The following PPEF1 variants were observed in gnomAD, a reference collection of about 807,000 sequenced individuals.
PPEF1 encodes serine/threonine-protein phosphatase with EF-hands 1.
In PPEF1, 12 loss-of-function variants were observed where a neutral mutation model predicts 53.3. That is an observed-to-expected ratio of 0.23 (90% CI 0.14 to 0.36). PPEF1 has a LOEUF of 0.36. Among genes scored for constraint, PPEF1 ranks in the 10% least tolerant of loss-of-function variants. The probability of loss-of-function intolerance (pLI) is 1.00; values close to 1 mark genes in which losing one functional copy is unlikely to be tolerated. For missense variants in PPEF1, 334 were observed against 490.4 expected (o/e 0.68, Z 3.01); for synonymous variants, 165 against 176.7 (o/e 0.93, Z 0.52).
chrX:18,754,588 C>A (rs2045509097), intron 4 of PPEF1, among the ~76,000 whole-genome samples: 1 of 106,093 alleles, frequency 9.4e-6, no homozygotes, highest in Non-Finnish European at 2.0e-5. Flanking sequence ...ATTGTTTGTT[C>A]AGTTTTTCTT....
At chrX:18,821,585 T>C (rs1349722445) in intron 13 of PPEF1, among the ~76,000 whole-genome samples, 1 of 110,058 alleles carries the variant, frequency 9.1e-6, no homozygotes, top group South Asian at 3.9e-4. Flanking sequence ...ATTATTTTTG[T>C]ATTTTTAGTG....
At chrX:18,734,580 A>G (rs2044923331) in intron 3 of PPEF1, among the ~76,000 whole-genome samples, 1 of 111,180 alleles carries the variant, frequency 9.0e-6, no homozygotes, top group South Asian at 3.8e-4. Flanking sequence ...ATAGTGCCGC[A>G]ATAAACATAC....
At chrX:18,783,258 G>A (rs2147600028) in intron 8 of PPEF1, among the ~76,000 whole-genome samples, 1 of 110,061 alleles carries the variant, frequency 9.1e-6, no homozygotes. Flanking sequence ...GCCCCGGGAT[G>A]AGGAGTGTGA....
At chrX:18,794,478 C>T (rs1182197050) in intron 10 of PPEF1, among the ~76,000 whole-genome samples, 1 of 112,905 alleles carries the variant, frequency 8.9e-6, no homozygotes, top group African/African-American at 3.2e-5. Flanking sequence ...GGAGCAGGGA[C>T]AGTGACCCAC....
chrX:18,721,680 T>A (rs2044592640), intron 1 of PPEF1, among the ~76,000 whole-genome samples: 1 of 111,783 alleles, frequency 8.9e-6, no homozygotes, highest in East Asian at 2.8e-4. Context: ...AGTATCTCAA[T>A]GACAAAGTCA....
intron 3 of PPEF1, among the ~76,000 whole-genome samples, chrX:18,746,295 C>T (rs1472577728): frequency 4.5e-5 from 5 of 112,134 alleles, no homozygotes; most frequent in African/African-American, 1.3e-4. Flanking sequence ...TGATTGTTTT[C>T]ATACATGACA....
chrX:18,804,999 T>C (rs2046630174), intron 11 of PPEF1, among the ~76,000 whole-genome samples: 1 of 110,703 alleles, frequency 9.0e-6, no homozygotes, highest in African/African-American at 3.3e-5. Context: ...CTTTTTTCTT[T>C]TTTTTGAGAC....
rs1362481342 is a variant in PPEF1 at position 18,827,333 on chromosome X, A to G, written c.1808A>G (p.Asn603Ser). The G allele has an allele frequency of 7.4e-6, 9 of 1,208,734 alleles. No individual in the cohort carries two copies. Among genetic ancestry groups the G allele is most frequent in the African/African-American group, 1.7e-5 (1 of 57,214 alleles). Reference protein sequence around the residue: ...AMWKLFSSHYNVHIDDSQVNK... With the variant: ...AMWKLFSSHYSVHIDDSQVNK... Reference sequence around the variant, plus strand: ...TGGAAACTTTTTAGTTCTCACTACAATGTTCACATTGATGATTCCCAAGTC... The same window carrying G: ...TGGAAACTTTTTAGTTCTCACTACAGTGTTCACATTGATGATTCCCAAGTC... The change falls in exon 16 of 16, where the codon AAT (asparagine) becomes AGT (serine). Residue 603 changes from asparagine to serine, a missense_variant. Asn to Ser is a conservative substitution (Grantham distance 46). Transcript: ENST00000470157.
At chrX:18,721,770 T>G (rs2044595262) in intron 1 of PPEF1, among the ~76,000 whole-genome samples, 1 of 112,067 alleles carries the variant, frequency 8.9e-6, no homozygotes, top group African/African-American at 3.2e-5. Flanking sequence ...AAATGACCTG[T>G]TATTCTCGCT....
At chrX:18,693,193 C>T (rs1248449003) in intron 4 of PPEF1, among the ~76,000 whole-genome samples, 1 of 111,983 alleles carries the variant, frequency 8.9e-6, no homozygotes, top group Non-Finnish European at 1.9e-5. Flanking sequence ...TGGTTTCCAC[C>T]CAGGCTGCTT....
At chrX:18,681,745 G>A (rs768968255), upstream of PPEF1, among the ~76,000 whole-genome samples, 1 of 111,687 alleles carries the variant, frequency 9.0e-6, no homozygotes, top group Non-Finnish European at 1.9e-5. Context: ...GCTTTGCCCA[G>A]TTGAATGTGA....
intron 1 of PPEF1, among the ~76,000 whole-genome samples, chrX:18,721,001 T>A (rs1242776459): frequency 9.0e-6 from 1 of 111,623 alleles, no homozygotes; most frequent in Non-Finnish European, 1.9e-5. Flanking sequence ...CTCTGAGCCT[T>A]AGATACTTCA....
rs140396374 is a variant in PPEF1 at position 18,749,827 on chromosome X, A to T, written c.271A>T (p.Met91Leu). The T allele has an allele frequency of 2.1e-4, 241 of 1,146,013 alleles. No individual in the cohort carries two copies. The African/African-American group carries it at 4.3e-3, about 20-fold the overall frequency. 94.4% of individuals were successfully genotyped at this position (1,146,013 alleles called of 1,213,427 possible). ...TCAGTCTCTTGAAAGCGAACAGGAC[A>T]TGAGGGATAGATGGGATTATGTGGA... ...RNQSLESEQD[M>L]RDRWDYVDSI... is the part of the protein sequence containing the mutation. The change falls in exon 4 of 16, where the codon ATG (methionine) becomes TTG (leucine). Residue 91 changes from methionine to leucine, a missense_variant. Coordinates refer to ENST00000470157, the MANE Select transcript of PPEF1 (RefSeq NM_001377996.1).
upstream of PPEF1, among the ~76,000 whole-genome samples, chrX:18,675,206 C>T (rs968253638): frequency 4.4e-5 from 5 of 113,311 alleles, no homozygotes; most frequent in Admixed American, 2.8e-4. Flanking sequence ...GAGCACCTCC[C>T]TGCTATCATC....
rs141274153 is a variant in PPEF1 at position 18,824,985 on chromosome X, A to G, written c.1666-766A>G. ...GGCCTGACATCCATGCTTTTATACA[A>G]CATACCATTTCTAATACTTAATGTA... On this transcript the variant is annotated intron_variant, in intron 14 of 15. Coordinates refer to ENST00000470157, the MANE Select transcript of PPEF1 (RefSeq NM_001377996.1). Among the ~76,000 whole-genome samples, 232 of 111,810 alleles carry G rather than the reference A, an allele frequency of 2.1e-3. 1 individual carries two copies. Among genetic ancestry groups the G allele is most frequent in the African/African-American group, 7.1e-3 (218 of 30,855 alleles).
At chrX:18,761,348 C>G (rs1401142258) in intron 5 of PPEF1, among the ~76,000 whole-genome samples, 182 bp from the exon 6 acceptor site, 1 of 111,560 alleles carries the variant, frequency 9.0e-6, no homozygotes, top group East Asian at 2.8e-4. Context: ...AGATGCTGTC[C>G]CCACTATAGG....
At chrX:18,733,862 C>T (rs2044898380) in intron 3 of PPEF1, 54 bp downstream of exon 3, 2 of 974,608 alleles carry the variant, frequency 2.1e-6, no homozygotes, top group Non-Finnish European at 2.8e-6. Flanking sequence ...GAATTGTCTT[C>T]ATCAAGAGCG....
At chrX:18,728,981 A>G (rs1257179215) in intron 1 of PPEF1, among the ~76,000 whole-genome samples, 1 of 112,135 alleles carries the variant, frequency 8.9e-6, no homozygotes, top group Admixed American at 9.5e-5. Flanking sequence ...TTTAAATCTC[A>G]TTACCTCTTA....
intron 5 of PPEF1, 142 bp from the exon 6 acceptor site, chrX:18,761,388 A>G (rs2045662179): frequency 1.9e-6 from 1 of 515,265 alleles, no homozygotes; most frequent in Non-Finnish European, 3.4e-6. Flanking sequence ...GTGGAGACAA[A>G]TTGCCTGTCA....
Sources: allele counts gnomAD v4.1 joint callset (sites outside exome capture counted in the v4.1 genomes callset), GRCh38; gene constraint gnomAD v4.1.1; transcripts MANE v1.5; gene names NCBI Gene and HGNC (gene_info 2026-07-23, HGNC 2026-07-21).